Variants in RNF121 observed in about 807,000 individuals in gnomAD.
RNF121 encodes E3 ubiquitin ligase RNF121.
RNF121 carries 21 observed loss-of-function variants against 46.5 expected under a neutral mutation model. That is an observed-to-expected ratio of 0.45 (90% CI 0.32 to 0.65). The LOEUF (loss-of-function observed/expected upper bound fraction) is 0.65, where lower values mean the gene tolerates loss of function less well. RNF121 is among the 30% of genes least tolerant of loss of function. The pLI, the probability that RNF121 is intolerant of heterozygous loss-of-function variation, is 0.04. For synonymous variants in RNF121, 139 were observed against 144.7 expected (o/e 0.96, Z 0.28); for missense variants, 346 against 416.0 (o/e 0.83, Z 1.46).
intron 5 of RNF121, among the ~76,000 whole-genome samples, chr11:71,989,084 T>TTGTC (rs1954820828): frequency 6.6e-6 from 1 of 151,266 alleles, no homozygotes; most frequent in Non-Finnish European, 1.5e-5. Flanking sequence ...GTTTGTTTGT[T>TTGTC]TGTTTGTTTG....
intron 5 of RNF121, among the ~76,000 whole-genome samples, chr11:71,988,652 A>AG (rs113720707): frequency 0.027 from 4,057 of 150,288 alleles, 71 homozygotes; most frequent in Middle Eastern, 0.075. Context: ...AAAAAAAAAA[A>AG]AAAGAAAGAA....
chr11:71,980,837 C>CA (rs1204799673), intron 3 of RNF121, among the ~76,000 whole-genome samples: 1 of 151,640 alleles, frequency 6.6e-6, no homozygotes. Context: ...GCCTTAGTAC[C>CA]AAAAAAAGTA....
At chr11:71,962,739 G>A (rs185773746) in intron 3 of RNF121, among the ~76,000 whole-genome samples, 89 of 152,252 alleles carry the variant, frequency 5.8e-4, no homozygotes, top group African/African-American at 2.1e-3. Flanking sequence ...TGAGTCATGT[G>A]GTAACTCTGT....
At chr11:71,982,691 G>T in intron 3 of RNF121, 70 bp from the exon 4 acceptor site, 1 of 1,471,894 alleles carries the variant, frequency 6.8e-7, no homozygotes, top group African/African-American at 1.4e-5. Context: ...AAAACAAGCT[G>T]CATTTGGGAC....
intron 1 of RNF121, among the ~76,000 whole-genome samples, chr11:71,931,647 T>TG (rs1414239915): frequency 6.6e-6 from 1 of 152,140 alleles, no homozygotes; most frequent in East Asian, 1.9e-4. Flanking sequence ...TGAAGAGACA[T>TG]GCAAATAGCG....
intron 3 of RNF121, among the ~76,000 whole-genome samples, chr11:71,964,728 C>T (rs936487830): frequency 6.6e-6 from 1 of 152,200 alleles, no homozygotes; most frequent in African/African-American, 2.4e-5. Flanking sequence ...ATCCGCCTGC[C>T]TCAGCCTCCC....
chr11:71,980,837 CA>C (rs1204799673), intron 3 of RNF121, among the ~76,000 whole-genome samples: 2 of 151,640 alleles, frequency 1.3e-5, no homozygotes, highest in African/African-American at 2.4e-5. Context: ...GCCTTAGTAC[CA>C]AAAAAAGTAA....
intron 3 of RNF121, among the ~76,000 whole-genome samples, chr11:71,971,003 A>T (rs937731980): frequency 6.6e-6 from 1 of 152,246 alleles, no homozygotes; most frequent in Admixed American, 6.5e-5. Flanking sequence ...AGAAAAATTA[A>T]AACTAGATTT....
intron 2 of RNF121, among the ~76,000 whole-genome samples, chr11:71,958,063 C>T (rs1954034816): frequency 6.6e-6 from 1 of 152,144 alleles, no homozygotes; most frequent in Admixed American, 6.5e-5. Context: ...CCTCAGCTAC[C>T]AAAATATTCT....
intron 1 of RNF121, among the ~76,000 whole-genome samples, chr11:71,954,469 C>T (rs568225855): frequency 7.3e-4 from 111 of 152,342 alleles, no homozygotes; most frequent in South Asian, 7.1e-3. Context: ...TCCTCTGCTT[C>T]ACCAACATTC....
At chr11:71,986,402 G>A (rs1298802651) in intron 4 of RNF121, among the ~76,000 whole-genome samples, 1 of 152,172 alleles carries the variant, frequency 6.6e-6, no homozygotes, top group Non-Finnish European at 1.5e-5. Flanking sequence ...AGCTGTCTAA[G>A]GTCAGCTGTG....
rs78302642 is a variant in RNF121 at position 71,930,754 on chromosome 11, G to C, written c.63+1630G>C. Among the ~76,000 whole-genome samples, 25 of 152,312 alleles carry C rather than the reference G, an allele frequency of 1.6e-4. No homozygotes were observed. In the East Asian group the frequency reaches 3.5e-3, roughly 21 times the overall value. On this transcript the variant is annotated intron_variant, in intron 1 of 8. Coordinates refer to ENST00000361756, the MANE Select transcript of RNF121 (RefSeq NM_018320.5). ...ATGGGCTCTCCCTTGAGACAATTAC[G>C]TATATCTCAAAGCTGTAGTTACATA...
Position 71,987,118 on chromosome 11 carries a change from AC to A in RNF121, c.506+10del. On this transcript the variant is annotated splice_region_variant and intron_variant, in intron 5 of 8. Transcript: ENST00000361756. Reference sequence around the variant, plus strand: ...GTCTTAACTTATTATTCAAGTGAGTACCCTTTGTTTTTGTTTTTGCTGGAGT... The same window carrying A: ...GTCTTAACTTATTATTCAAGTGAGTACCTTTGTTTTTGTTTTTGCTGGAGT... 1 of 1,571,640 alleles carries A rather than the reference AC, an allele frequency of 6.4e-7. No homozygotes were observed. Among genetic ancestry groups the A allele is most frequent in the Non-Finnish European group, 8.8e-7 (1 of 1,141,784 alleles).
chr11:71,983,793 G>C (rs972040900), intron 4 of RNF121: 3 of 152,254 alleles, frequency 2.0e-5, no homozygotes, highest in African/African-American at 7.2e-5. Context: ...ACAGAGGTTT[G>C]TGTAGGTCCA....
intron 3 of RNF121, among the ~76,000 whole-genome samples, chr11:71,969,319 A>G (rs904170553): frequency 6.6e-6 from 1 of 152,210 alleles, no homozygotes; most frequent in Non-Finnish European, 1.5e-5. Flanking sequence ...AAAATAATGC[A>G]TATGACATAC....
At chr11:71,971,080 A>G (rs1954410257) in intron 3 of RNF121, among the ~76,000 whole-genome samples, 1 of 152,158 alleles carries the variant, frequency 6.6e-6, no homozygotes, top group South Asian at 2.1e-4. Context: ...AAGTTATGAA[A>G]CTAATTTTTA....
At position 71,987,026 on chromosome 11, in the gene RNF121, C is replaced by G; in HGVS notation, c.421C>G (p.Leu141Val). ...CAGGTTGGTTTATAAGTGGTTCCTG[C>G]TAATCTATAAAATCAGCTATGCCAC... is the stretch of plus-strand genomic sequence containing the variant. ...TPRLVYKWFL[L>V]IYKISYATGI... is the part of the protein sequence containing the mutation. Residue 141 changes from leucine to valine, a missense_variant, in exon 5 of 9, where the codon CTA (leucine) becomes GTA (valine). Leu to Val is a conservative substitution (Grantham distance 32, BLOSUM62 1). This residue lies in a region of RNF121 where 286 missense variants were observed against 383.8 expected (regional missense o/e 0.75). Coordinates refer to ENST00000361756, the MANE Select transcript of RNF121 (RefSeq NM_018320.5). The G allele has an allele frequency of 6.2e-7, 1 of 1,613,348 alleles. No individual in the cohort carries two copies. Among genetic ancestry groups the G allele is most frequent in the African/African-American group, 1.3e-5 (1 of 74,998 alleles).
intron 1 of RNF121, among the ~76,000 whole-genome samples, chr11:71,932,231 G>A (rs1953291680): frequency 6.6e-6 from 1 of 152,250 alleles, no homozygotes; most frequent in South Asian, 2.1e-4. Context: ...ACCAGCCTCT[G>A]TTTAAAACCC....
intron 3 of RNF121, among the ~76,000 whole-genome samples, chr11:71,966,658 A>T (rs923361329): frequency 9.9e-5 from 15 of 150,818 alleles, no homozygotes; most frequent in Non-Finnish European, 1.6e-4. Flanking sequence ...ATATATATAT[A>T]TTTTAATTTT....
Sources: allele counts gnomAD v4.1 joint callset (sites outside exome capture counted in the v4.1 genomes callset), GRCh38; gene constraint gnomAD v4.1.1; regional missense constraint gnomAD v4.1.1; transcripts MANE v1.5; gene names NCBI Gene and HGNC (gene_info 2026-07-23, HGNC 2026-07-21).